PDCD2: variants seen among roughly 807,000 people sequenced by gnomAD.
PDCD2 encodes programmed cell death 2, also known as uS5 assembly chaperone PDCD2.
In PDCD2, 38 loss-of-function variants were observed where a neutral mutation model predicts 38.1. That is an observed-to-expected ratio of 1.00 (90% CI 0.77 to 1.31). The LOEUF is 1.31. PDCD2 is among the 50% of genes most tolerant of loss of function. The pLI is 0.00. For synonymous variants in PDCD2, 205 were observed against 168.9 expected (o/e 1.21, Z -1.66); for missense variants, 473 against 435.7 (o/e 1.09, Z -0.76).
chr6:170,580,177 G>A, intron 3 of PDCD2, 72 bp from the exon 4 acceptor site: 1 of 843,046 alleles, frequency 1.2e-6, no homozygotes, highest in South Asian at 1.4e-5. Flanking sequence ...ACATGGAGAG[G>A]GGACCCACTT....
chr6:170,577,679 T>C lies in PDCD2; in HGVS notation c.915A>G (p.Arg305=). Residue 305 remains arginine, a synonymous_variant, in exon 6 of 6, where the codon AGA becomes AGG. Transcript: ENST00000541970. ...PQLLNYLKAD[R]LGKSIDWGIL... is the part of the protein sequence containing the mutation. ...TGCCCCAGTCAATGCTCTTGCCCAG[T>C]CTGTCAGCCTTCAGGTAGTTTAGGA... 1 of 1,613,380 alleles carries C rather than the reference T, an allele frequency of 6.2e-7. No individual in the cohort carries two copies. The highest frequency in any genetic ancestry group is 8.5e-7 in the Non-Finnish European group (1 of 1,179,990).
rs1478396071 is a variant in PDCD2, at chr6:170,579,921, T to C, written c.762+81A>G. The C allele has an allele frequency of 1.1e-5, 9 of 786,972 alleles. No individual in the cohort carries two copies. In the Admixed American group the frequency reaches 1.4e-4, roughly 12 times the overall value. The allele number at this position is 786,972 out of a possible 1,614,324, so 48.7% of individuals were successfully genotyped here. A position where few individuals can be genotyped will look rare whatever the true frequency, so the allele number is the denominator to read the frequency against. Reference sequence around the variant, plus strand: ...CTCCTAAGGAACAGACTAATGTTACTATGAAGTTATTTCTTACAGATTATA... The same window carrying C: ...CTCCTAAGGAACAGACTAATGTTACCATGAAGTTATTTCTTACAGATTATA... On this transcript the variant is annotated intron_variant, in intron 4 of 5. Transcript: ENST00000541970.
intron 1 of PDCD2, chr6:170,583,949 A>C (rs1405352361): frequency 1.7e-6 from 1 of 588,744 alleles, no homozygotes; most frequent in Non-Finnish European, 3.0e-6. Context: ...GTTTGAGTTA[A>C]TCAAATTAAT....
chr6:170,576,750 G>C lies in PDCD2; in HGVS notation c.*809C>G, dbSNP rs908038532. 15 of 152,248 alleles carry C rather than the reference G, an allele frequency of 9.9e-5. No homozygotes were observed. The highest frequency in any genetic ancestry group is 3.4e-4 in the African/African-American group (14 of 41,452). 9.4% of individuals were successfully genotyped at this position (152,248 alleles called of 1,614,324 possible). On this transcript the variant is annotated 3_prime_UTR_variant, in exon 6 of 6. Transcript: ENST00000541970. ...CCCTTGTATGTGCGATAGGGAACCT[G>C]TATACAATGCTGACACGGAAAGGGA...
chr6:170,584,145 G>A, intron 1 of PDCD2, 154 bp downstream of exon 1: 1 of 809,598 alleles, frequency 1.2e-6, no homozygotes, highest in Non-Finnish European at 1.7e-6. Flanking sequence ...TCCTGGAAGG[G>A]CCCGGGAGAA....
intron 4 of PDCD2, 54 bp downstream of exon 4, chr6:170,579,948 T>G (rs1779547810): frequency 1.1e-6 from 1 of 897,320 alleles, no homozygotes; most frequent in East Asian, 2.4e-5. Flanking sequence ...CAGATTATAC[T>G]CATAAAACAT....
At chr6:170,579,934 C>T (rs1583140218) in intron 4 of PDCD2, 68 bp downstream of exon 4, 1 of 843,436 alleles carries the variant, frequency 1.2e-6, no homozygotes, top group African/African-American at 1.7e-5. Flanking sequence ...GAAGTTATTT[C>T]TTACAGATTA....
rs879066003 is a variant in PDCD2 at position 170,582,261 on chromosome 6, T to C, written c.658+796A>G. On this transcript the variant is annotated intron_variant, in intron 3 of 5. Transcript: ENST00000541970. ...ACCACTGGAGTGTTGCTTCCCATTA[T>C]ATCCCTGTTATCAAGCACAAGGTCA... 11 of 1,465,840 alleles carry C rather than the reference T, an allele frequency of 7.5e-6. No individual in the cohort carries two copies. In the South Asian group the frequency reaches 8.5e-5, roughly 11 times the overall value. 90.8% of individuals were successfully genotyped at this position (1,465,840 alleles called of 1,614,324 possible).
At chr6:170,582,172 CATT>C in intron 3 of PDCD2, 1 of 1,515,402 alleles carries the variant, frequency 6.6e-7, no homozygotes, top group East Asian at 2.5e-5. Flanking sequence ...TCTTATCAGT[CATT>C]ATATGGACTT....
intron 4 of PDCD2, 27 bp downstream of exon 4, chr6:170,579,975 G>T (rs201929467): frequency 2.7e-6 from 3 of 1,115,716 alleles, no homozygotes; most frequent in African/African-American, 1.5e-5. Flanking sequence ...AAGAGAACAC[G>T]ATGAGGAGCT....
chr6:170,583,651 T>A lies in PDCD2; in HGVS notation c.380A>T (p.Gln127Leu). ...PPETGESVCLQLKSGAHLCRV... is the reference protein window; with the variant it reads ...PPETGESVCLLLKSGAHLCRV... ...GCAGAGATGAGCACCAGACTTAAGC[T>A]GGAGACACACTGATTCTCCTGTTTC... The change falls in exon 2 of 6, where the codon CAG (glutamine) becomes CTG (leucine). Residue 127 changes from glutamine (Q) to leucine (L), a missense_variant. Transcript: ENST00000541970. The A allele has an allele frequency of 6.2e-7, 1 of 1,614,138 alleles. No homozygotes were observed.
At chr6:170,583,906 C>A (rs1484997403) in intron 1 of PDCD2, 159 bp from the exon 2 acceptor site, 3 of 647,914 alleles carry the variant, frequency 4.6e-6, no homozygotes, top group East Asian at 5.5e-5. Flanking sequence ...AGATTTCGTC[C>A]GGTACACGCA....
intron 4 of PDCD2, chr6:170,579,384 T>TA (rs1779532090): frequency 6.1e-6 from 1 of 164,346 alleles, no homozygotes; most frequent in Admixed American, 6.3e-5. Context: ...TGAAAACTAC[T>TA]ACAAACATAA....
In PDCD2 at chr6:170,584,525, C is replaced by T. The variant is rs1779754820; in HGVS notation, c.57G>A (p.Ala19=). The T allele has an allele frequency of 7.3e-7, 1 of 1,364,984 alleles. No individual in the cohort carries two copies. The highest frequency in any genetic ancestry group is 9.4e-7 in the Non-Finnish European group (1 of 1,060,932). The allele number at this position is 1,364,984 out of a possible 1,614,324, so 84.6% of individuals were successfully genotyped here. The change falls in exon 1 of 6, where the codon GCG becomes GCA. Residue 19 remains alanine (A), a synonymous_variant. Coordinates refer to ENST00000541970, the MANE Select transcript of PDCD2 (RefSeq NM_002598.4). The part of the protein sequence containing the change: ...VELGFAESAP[A]WRLRSEQFPS... The stretch of plus-strand genomic sequence containing the variant: ...GGAACTGCTCGCTGCGCAGTCGCCA[C>T]GCCGGCGCCGACTCGGCGAAGCCCA...
chr6:170,583,838 A>G, intron 1 of PDCD2, 91 bp from the exon 2 acceptor site: 1 of 897,588 alleles, frequency 1.1e-6, no homozygotes, highest in Non-Finnish European at 1.6e-6. Flanking sequence ...AAATAACAAC[A>G]ACAAAAAAGA....
rs899489150 is a variant in PDCD2 at position 170,583,074 on chromosome 6, T to C, written c.641A>G (p.Glu214Gly). ...CTGCTTACCCATGCTCCCTATAATC[T>C]CTGAGTAATCTTCCTTTTCCACAAC... is the stretch of plus-strand genomic sequence containing the variant. The part of the protein sequence containing the change: ...PEVVEKEDYS[E>G]IIGSMGEALE... The change falls in exon 3 of 6, where the codon GAG (glutamate) becomes GGG (glycine). Residue 214 changes from glutamate (E) to glycine (G), a missense_variant. Physicochemically the swap from Glu to Gly is moderately conservative, Grantham distance 98. Transcript: ENST00000541970. 3 of 1,612,382 alleles carry C rather than the reference T, an allele frequency of 1.9e-6. No homozygotes were observed. The highest frequency in any genetic ancestry group is 1.7e-5 in the Admixed American group (1 of 59,962).
chr6:170,580,196 A>G (rs1779556183), intron 3 of PDCD2, 91 bp from the exon 4 acceptor site: 3 of 702,136 alleles, frequency 4.3e-6, no homozygotes, highest in South Asian at 3.3e-5. Context: ...TTTTAATCAG[A>G]TAGCTTTCCC....
chr6:170,584,116 T>A (rs751357762), intron 1 of PDCD2, 183 bp downstream of exon 1: 12 of 596,168 alleles, frequency 2.0e-5, no homozygotes, highest in Middle Eastern at 9.6e-4. Flanking sequence ...TAGAAGCTTA[T>A]GTAGCAAAAA....
At chr6:170,583,308 A>C in intron 2 of PDCD2, 120 bp from the exon 3 acceptor site, 1 of 916,224 alleles carries the variant, frequency 1.1e-6, no homozygotes, top group Non-Finnish European at 1.6e-6. Flanking sequence ...AGGGTCATAA[A>C]TTAAATGCCT....
Sources: allele counts gnomAD v4.1 joint callset, GRCh38; gene constraint gnomAD v4.1.1; transcripts MANE v1.5; gene names NCBI Gene and HGNC (gene_info 2026-07-23, HGNC 2026-07-21).